UBE4B: variants seen among roughly 807,000 people sequenced by gnomAD.
The protein encoded by UBE4B is ubiquitination factor E4B, also known as ubiquitin conjugation factor E4 B.
A neutral mutation model predicts 148.1 loss-of-function variants in UBE4B; 27 were observed. The observed-to-expected ratio is 0.18, with a 90% CI of 0.13 to 0.25. UBE4B has a LOEUF of 0.25. Among genes scored for constraint, UBE4B ranks in the 10% least tolerant of loss-of-function variants. The pLI, the probability that UBE4B is intolerant of heterozygous loss-of-function variation, is 1.00. For missense variants in UBE4B, 1,170 were observed against 1,662.4 expected (o/e 0.70, Z 5.15); for synonymous variants, 596 against 619.3 (o/e 0.96, Z 0.56).
chr1:10,076,405 A>G (rs1214882743), intron 2 of UBE4B, among the ~76,000 whole-genome samples: 3 of 151,796 alleles, frequency 2.0e-5, no homozygotes, highest in African/African-American at 7.3e-5. Context: ...CACCATGCCT[A>G]GCTAATTTTT....
intron 17 of UBE4B, among the ~76,000 whole-genome samples, chr1:10,141,283 A>T (rs1169316915): frequency 6.6e-6 from 1 of 152,048 alleles, no homozygotes; most frequent in Non-Finnish European, 1.5e-5. Context: ...ATTATCCTGG[A>T]TTATGTGGGT....
chr1:10,128,732 C>A (rs1645542887), intron 11 of UBE4B: 2 of 152,324 alleles, frequency 1.3e-5, no homozygotes, highest in South Asian at 4.1e-4. Flanking sequence ...GTAGCAACTT[C>A]TAGAGCTGCG....
chr1:10,086,493 C>T (rs1448647296), intron 2 of UBE4B, among the ~76,000 whole-genome samples: 4 of 152,140 alleles, frequency 2.6e-5, no homozygotes, highest in African/African-American at 9.6e-5. Flanking sequence ...CTCAAAATCC[C>T]GTTATATGCA....
intron 1 of UBE4B, among the ~76,000 whole-genome samples, chr1:10,060,414 A>G (rs1312626268): frequency 6.6e-6 from 1 of 152,112 alleles, no homozygotes; most frequent in East Asian, 1.9e-4. Context: ...TAGAAAAGGA[A>G]CAGTAAAAAT....
At chr1:10,164,266 A>G (rs907106293) in intron 23 of UBE4B, among the ~76,000 whole-genome samples, 2 of 152,044 alleles carry the variant, frequency 1.3e-5, no homozygotes, top group Non-Finnish European at 2.9e-5. Flanking sequence ...ACTTGAACCC[A>G]GGAGGCAGAG....
chr1:10,040,925 T>A (rs1218047431), intron 1 of UBE4B, among the ~76,000 whole-genome samples: 2 of 152,160 alleles, frequency 1.3e-5, no homozygotes, highest in African/African-American at 4.8e-5. Context: ...CAGCCTAACA[T>A]CCCCACCTCT....
chr1:10,085,636 A>G (rs1644752231), intron 2 of UBE4B, among the ~76,000 whole-genome samples: 1 of 152,192 alleles, frequency 6.6e-6, no homozygotes, highest in Non-Finnish European at 1.5e-5. Context: ...CTTTAATGCA[A>G]CTGTAAAGGG....
At chr1:10,131,305 C>T (rs984155835) in intron 14 of UBE4B, among the ~76,000 whole-genome samples, 12 of 151,982 alleles carry the variant, frequency 7.9e-5, no homozygotes, top group East Asian at 1.9e-4. Context: ...GACGAAACCC[C>T]GTCTCTACTA....
At chr1:10,146,151 A>T (rs557456662) in intron 18 of UBE4B, among the ~76,000 whole-genome samples, 3 of 152,182 alleles carry the variant, frequency 2.0e-5, no homozygotes, top group African/African-American at 7.2e-5. Context: ...TTTCAAGGGG[A>T]TCTATAAACT....
intron 3 of UBE4B, among the ~76,000 whole-genome samples, chr1:10,096,990 G>A (rs1644938508): frequency 6.7e-6 from 1 of 150,338 alleles, no homozygotes; most frequent in Admixed American, 6.6e-5. Flanking sequence ...AGTGAACTGA[G>A]ATCACACCAC....
Position 10,033,528 on chromosome 1 carries a change from A to G in UBE4B, c.-143A>G. On this transcript the variant is annotated 5_prime_UTR_variant, in exon 1 of 28. Transcript: ENST00000343090. ...GTGCCTCTCGTGTTCTTATTTTTTAACCTCTGACTATGCAATTCTGAAACC... is the reference window on the plus strand; with the variant it reads ...GTGCCTCTCGTGTTCTTATTTTTTAGCCTCTGACTATGCAATTCTGAAACC... The G allele has an allele frequency of 2.0e-6, 2 of 992,554 alleles. No individual in the cohort carries two copies. The highest frequency in any genetic ancestry group is 2.8e-6 in the Non-Finnish European group (2 of 721,664). 61.5% of individuals were successfully genotyped at this position (992,554 alleles called of 1,614,324 possible).
intron 1 of UBE4B, among the ~76,000 whole-genome samples, chr1:10,051,336 C>A (rs1015132101): frequency 1.3e-5 from 2 of 152,110 alleles, no homozygotes; most frequent in Non-Finnish European, 2.9e-5. Flanking sequence ...GGTGTAGTGA[C>A]CTGGCCGAGT....
At position 10,107,242 on chromosome 1, in the gene UBE4B, C is replaced by T. The variant is rs1451797335; in HGVS notation, c.1196+659C>T. On this transcript the variant is annotated intron_variant, in intron 7 of 27. Coordinates refer to ENST00000343090, the MANE Select transcript of UBE4B (RefSeq NM_001105562.3). ...GGTAGTATGTACGACAATCCTTTCT[C>T]CTTCCTCTTCCTCGCACTTTCTGGG... 2.3e-6 allele frequency: 3 copies of T among 1,289,570 alleles called. No homozygotes were observed. The South Asian group carries it at 3.7e-5, about 16-fold the overall frequency. The allele number at this position is 1,289,570 out of a possible 1,614,324, so 79.9% of individuals were successfully genotyped here.
chr1:10,035,403 T>G (rs1478599279), intron 1 of UBE4B, among the ~76,000 whole-genome samples: 20 of 133,918 alleles, frequency 1.5e-4, no homozygotes, highest in Non-Finnish European at 2.6e-4. Context: ...TTTTTTTTTT[T>G]TTTTTTTTTT....
chr1:10,070,192 T>A (rs1644460535), intron 1 of UBE4B, among the ~76,000 whole-genome samples: 1 of 151,456 alleles, frequency 6.6e-6, no homozygotes, highest in South Asian at 2.1e-4. Context: ...GAGAATCGCA[T>A]GAACCTGGGA....
intron 1 of UBE4B, among the ~76,000 whole-genome samples, chr1:10,035,812 A>G (rs1254225097): frequency 6.7e-6 from 1 of 149,282 alleles, no homozygotes; most frequent in Non-Finnish European, 1.5e-5. Context: ...GCGCGATCTC[A>G]GCTCACTGCA....
intron 23 of UBE4B, among the ~76,000 whole-genome samples, chr1:10,165,124 G>C (rs1190825999): frequency 2.0e-5 from 3 of 152,124 alleles, no homozygotes; most frequent in African/African-American, 7.2e-5. Context: ...TCTGACTGCA[G>C]ACTTGCAGAC....
intron 1 of UBE4B, among the ~76,000 whole-genome samples, chr1:10,045,512 G>A (rs534050298): frequency 6.6e-6 from 1 of 152,238 alleles, no homozygotes; most frequent in African/African-American, 2.4e-5. Context: ...GTTTCTCTTG[G>A]TGGTGAAAAA....
intron 25 of UBE4B, among the ~76,000 whole-genome samples, chr1:10,177,179 C>T (rs929795708): frequency 1.3e-5 from 2 of 151,874 alleles, no homozygotes; most frequent in African/African-American, 4.8e-5. Flanking sequence ...TGTGTTAGTC[C>T]ATTGCATCAC....
Sources: allele counts gnomAD v4.1 joint callset (sites outside exome capture counted in the v4.1 genomes callset), GRCh38; gene constraint gnomAD v4.1.1; transcripts MANE v1.5; gene names NCBI Gene and HGNC (gene_info 2026-07-23, HGNC 2026-07-21).